ZNF208: variants seen among roughly 807,000 people sequenced by gnomAD.
The protein encoded by ZNF208 is zinc finger protein 208.
Under a neutral mutation model 12.1 loss-of-function variants are expected in ZNF208, and 10 were observed. That is an observed-to-expected ratio of 0.83 (90% CI 0.51 to 1.40). ZNF208 has a LOEUF of 1.40. Ranked by LOEUF, ZNF208 falls within the 40% of genes most tolerant of loss-of-function variation. The pLI is 0.00. For synonymous variants in ZNF208, 497 were observed against 488.4 expected (o/e 1.02, Z -0.23); for missense variants, 1,652 against 1,485.0 (o/e 1.11, Z -1.85).
At chr19:21,960,037 AG>A (rs1242822484) in intron 4 of ZNF208, among the ~76,000 whole-genome samples, 1 of 152,180 alleles carries the variant, frequency 6.6e-6, no homozygotes. Flanking sequence ...TTGAATTTTT[AG>A]ATTAAAAAAG....
At chr19:21,950,202 T>C (rs1568433682) in intron 4 of ZNF208, among the ~76,000 whole-genome samples, 1 of 152,192 alleles carries the variant, frequency 6.6e-6, no homozygotes, top group Non-Finnish European at 1.5e-5. Context: ...TTTTTATCTA[T>C]ATAAAACTTG....
At chr19:21,959,565 T>A (rs1970031059) in intron 4 of ZNF208, among the ~76,000 whole-genome samples, 1 of 152,326 alleles carries the variant, frequency 6.6e-6, no homozygotes, top group Non-Finnish European at 1.5e-5. Context: ...CTCACTTGAA[T>A]GATCCCTTTG....
chr19:21,965,013 G>T (rs1224434288), downstream of ZNF208, among the ~76,000 whole-genome samples: 4 of 151,800 alleles, frequency 2.6e-5, no homozygotes, highest in African/African-American at 9.7e-5. Context: ...TAGACATAAT[G>T]CTAATCTTAA....
At chr19:22,006,567 T>C (rs1379587029) in intron 1 of ZNF208, among the ~76,000 whole-genome samples, 1 of 152,148 alleles carries the variant, frequency 6.6e-6, no homozygotes, top group Non-Finnish European at 1.5e-5. Context: ...TCCAGGGCTC[T>C]GTAGCTTCTC....
chr19:21,985,389 T>A (rs1409537082), intron 3 of ZNF208, among the ~76,000 whole-genome samples: 1 of 152,102 alleles, frequency 6.6e-6, no homozygotes, highest in African/African-American at 2.4e-5. Context: ...CCAACCTGGG[T>A]TATGTAGTGA....
At position 21,968,283 on chromosome 19, in the gene ZNF208, T is replaced by C. The variant is rs1234837930; in HGVS notation, c.*2908A>G. On this transcript the variant is annotated 3_prime_UTR_variant, in exon 4 of 4. Coordinates refer to ENST00000397126, the MANE Select transcript of ZNF208 (RefSeq NM_007153.3). Reference sequence around the variant, plus strand: ...CTGTTTAGAATGGATATTCTTATTTTTATTCTCATGGAGAATGCTTCCAGT... The same window carrying C: ...CTGTTTAGAATGGATATTCTTATTTCTATTCTCATGGAGAATGCTTCCAGT... 1 of 152,186 alleles carries C rather than the reference T, an allele frequency of 6.6e-6. No homozygotes were observed. Among genetic ancestry groups the C allele is most frequent in the Non-Finnish European group, 1.5e-5 (1 of 68,024 alleles). 9.4% of individuals were successfully genotyped at this position (152,186 alleles called of 1,614,324 possible). A position where few individuals can be genotyped will look rare whatever the true frequency, so the allele number is the denominator to read the frequency against.
rs1041450191 is a variant in ZNF208 at position 21,968,351 on chromosome 19, A to G, written c.*2840T>C. The G allele has an allele frequency of 2.0e-5, 3 of 152,256 alleles. No homozygotes were observed. Among genetic ancestry groups the G allele is most frequent in the African/African-American group, 7.2e-5 (3 of 41,574 alleles). 9.4% of individuals were successfully genotyped at this position (152,256 alleles called of 1,614,324 possible). A position where few individuals can be genotyped will look rare whatever the true frequency, so the allele number is the denominator to read the frequency against. On this transcript the variant is annotated 3_prime_UTR_variant, in exon 4 of 4. Coordinates refer to ENST00000397126, the MANE Select transcript of ZNF208 (RefSeq NM_007153.3). ...GATGTTGGCTAAGGATTTGTCATAG[A>G]TGACTCTTATTAAGATATTTTCATC...
intron 4 of ZNF208, among the ~76,000 whole-genome samples, chr19:21,957,523 G>A (rs951330089): frequency 2.0e-5 from 3 of 152,190 alleles, no homozygotes; most frequent in African/African-American, 7.2e-5. Flanking sequence ...TTCCTGGACT[G>A]TTGTGAGTAA....
At chr19:21,947,051 G>A (rs1205061058) in intron 4 of ZNF208, among the ~76,000 whole-genome samples, 2 of 151,598 alleles carry the variant, frequency 1.3e-5, no homozygotes, top group Non-Finnish European at 2.9e-5. Context: ...ACAGCCTATG[G>A]ATATAATCAT....
At chr19:21,949,292 A>C (rs1038509440) in intron 4 of ZNF208, among the ~76,000 whole-genome samples, 2 of 152,218 alleles carry the variant, frequency 1.3e-5, no homozygotes, top group African/African-American at 4.8e-5. Context: ...GAAGGCACTA[A>C]GACTTTCCTC....
intron 2 of ZNF208, among the ~76,000 whole-genome samples, chr19:21,987,605 C>G (rs1970650254): frequency 1.3e-5 from 2 of 152,124 alleles, no homozygotes; most frequent in Admixed American, 1.3e-4. Context: ...AAACACTGTG[C>G]TCAAGGAGAA....
intron 1 of ZNF208, chr19:21,998,863 T>C (rs1238263019): frequency 1.3e-5 from 2 of 152,232 alleles, no homozygotes; most frequent in African/African-American, 4.8e-5. Flanking sequence ...AATTGAAATC[T>C]GACTGTGTTA....
At position 21,987,201 on chromosome 19, in the gene ZNF208, T is replaced by A; in HGVS notation, c.226+15A>T. On this transcript the variant is annotated intron_variant, in intron 3 of 3. Coordinates refer to ENST00000397126, the MANE Select transcript of ZNF208 (RefSeq NM_007153.3). ...CGACCTCTCATCCATGTTGTCTGTA[T>A]TCACTCTCACCTACCTGGGGATTCT... The A allele has an allele frequency of 6.2e-7, 1 of 1,607,960 alleles. No individual in the cohort carries two copies. The highest frequency in any genetic ancestry group is 8.5e-7 in the Non-Finnish European group (1 of 1,177,728).
In ZNF208 at chr19:21,970,791, T is replaced by C; in HGVS notation, c.*400A>G. ...ACATTTTTAGAATTTCTCTCCAGCA[T>C]GAATTTTCTTATGTTTACTAAAGAC... On this transcript the variant is annotated 3_prime_UTR_variant, in exon 4 of 4. Coordinates refer to ENST00000397126, the MANE Select transcript of ZNF208 (RefSeq NM_007153.3). The C allele has an allele frequency of 7.0e-7, 1 of 1,437,254 alleles. No homozygotes were observed. The highest frequency in any genetic ancestry group is 1.7e-5 in the Admixed American group (1 of 58,526). 89.0% of individuals were successfully genotyped at this position (1,437,254 alleles called of 1,614,324 possible). A position where few individuals can be genotyped will look rare whatever the true frequency, so the allele number is the denominator to read the frequency against.
rs538933452 is a variant in ZNF208, at chr19:21,974,943, A to G, written c.227-136T>C. ...AATATGACACAGGCCCTAATTCTTC[A>G]TAGACATATAAATCTAATAAAAACA... On this transcript the variant is annotated intron_variant, in intron 3 of 3. Coordinates refer to ENST00000397126, the MANE Select transcript of ZNF208 (RefSeq NM_007153.3). 2.8e-6 allele frequency: 3 copies of G among 1,084,546 alleles called. No homozygotes were observed. The South Asian group carries it at 6.8e-5, about 25-fold the overall frequency. 67.2% of individuals were successfully genotyped at this position (1,084,546 alleles called of 1,614,324 possible). A position where few individuals can be genotyped will look rare whatever the true frequency, so the allele number is the denominator to read the frequency against.
intron 3 of ZNF208, among the ~76,000 whole-genome samples, chr19:21,981,064 T>G (rs1970528535): frequency 6.6e-6 from 1 of 152,044 alleles, no homozygotes; most frequent in South Asian, 2.1e-4. Flanking sequence ...ACTGAGGCAG[T>G]AATTATGAGC....
Position 21,941,032 on chromosome 19 carries a change from A to C in ZNF208, c.306-7795T>G, listed in dbSNP as rs562553013. ...CTGTGCTCAGCTGGGTCACGACTGG[A>C]ACTGGCGCCCTCCGGAAGTGAAGGA... On this transcript the variant is annotated intron_variant, in intron 4 of 4. Transcript: ENST00000599916. The C allele has an allele frequency of 2.4e-4, 59 of 241,254 alleles. 1 individual carries two copies. Among genetic ancestry groups the C allele is most frequent in the South Asian group, 1.4e-3 (8 of 5,562 alleles). The allele number at this position is 241,254 out of a possible 1,614,324, so 14.9% of individuals were successfully genotyped here.
intron 1 of ZNF208, among the ~76,000 whole-genome samples, chr19:21,999,029 T>A (rs1443323842): frequency 1.1e-4 from 6 of 52,922 alleles, no homozygotes; most frequent in Non-Finnish European, 2.3e-4. Flanking sequence ...ATAGCATAAT[T>A]TTATGCTATA....
intron 4 of ZNF208, among the ~76,000 whole-genome samples, chr19:21,948,626 C>T (rs1201353205): frequency 1.3e-5 from 2 of 152,136 alleles, no homozygotes; most frequent in Admixed American, 1.3e-4. Flanking sequence ...ATTGCAGGAC[C>T]TTAAGAAAAT....
Sources: allele counts gnomAD v4.1 joint callset (sites outside exome capture counted in the v4.1 genomes callset), GRCh38; gene constraint gnomAD v4.1.1; transcripts MANE v1.5; gene names NCBI Gene and HGNC (gene_info 2026-07-23, HGNC 2026-07-21).